UBE2R2: variants seen among roughly 807,000 people sequenced by gnomAD.
UBE2R2 encodes ubiquitin conjugating enzyme E2 R2.
Under a neutral mutation model 27.8 loss-of-function variants are expected in UBE2R2, and 1 was observed. The ratio of observed to expected loss-of-function variants is 0.04; its 90% confidence interval spans 0.01 to 0.17. UBE2R2 has a LOEUF of 0.17. Ranked by LOEUF, UBE2R2 falls within the 10% of genes least tolerant of loss-of-function variation. The pLI, the probability that UBE2R2 is intolerant of heterozygous loss-of-function variation, is 1.00. For synonymous variants in UBE2R2, 106 were observed against 113.3 expected (o/e 0.94, Z 0.41); for missense variants, 100 against 291.0 (o/e 0.34, Z 4.78).
At chr9:33,871,656 A>T (rs1161404071) in intron 1 of UBE2R2, among the ~76,000 whole-genome samples, 1 of 152,192 alleles carries the variant, frequency 6.6e-6, no homozygotes, top group East Asian at 1.9e-4. Flanking sequence ...GCCTCTCAAG[A>T]TTGTAATTAA....
rs1822673181 is a variant in UBE2R2, at chr9:33,917,339, G to A, written c.*102G>A. ...GCCCCTCAGCAAAAACCTATTCACA[G>A]CGGGTGGGGAAACACACACAGCTCC... is the stretch of plus-strand genomic sequence containing the variant. On this transcript the variant is annotated 3_prime_UTR_variant, in exon 5 of 5. Coordinates refer to ENST00000263228, the MANE Select transcript of UBE2R2 (RefSeq NM_017811.4). 2 of 1,538,126 alleles carry A rather than the reference G, an allele frequency of 1.3e-6. No individual in the cohort carries two copies. Among genetic ancestry groups the A allele is most frequent in the Admixed American group, 3.8e-5 (2 of 53,238 alleles).
chr9:33,911,432 A>AAAAC (rs1822488001), intron 3 of UBE2R2, among the ~76,000 whole-genome samples: 1 of 140,602 alleles, frequency 7.1e-6, no homozygotes, highest in African/African-American at 2.7e-5. Flanking sequence ...AAAAAAAAAA[A>AAAAC]AAACCTGGTT....
At chr9:33,827,543 A>G (rs1820341991) in intron 1 of UBE2R2, among the ~76,000 whole-genome samples, 1 of 152,170 alleles carries the variant, frequency 6.6e-6, no homozygotes, top group African/African-American at 2.4e-5. Flanking sequence ...TGGGAGGCTC[A>G]GGCAGGAGAA....
intron 1 of UBE2R2, among the ~76,000 whole-genome samples, chr9:33,869,208 G>T (rs1018603025): frequency 6.6e-6 from 1 of 152,116 alleles, no homozygotes; most frequent in Non-Finnish European, 1.5e-5. Flanking sequence ...GGTCGAGGCT[G>T]CAGTGAGCCC....
At chr9:33,848,050 T>C (rs939892336) in intron 1 of UBE2R2, among the ~76,000 whole-genome samples, 2 of 152,064 alleles carry the variant, frequency 1.3e-5, no homozygotes, top group Admixed American at 1.3e-4. Context: ...CCACTGCGCC[T>C]GGCCTGTTGA....
chr9:33,818,546 A>AAAAAC (rs1825889125), intron 1 of UBE2R2: 2 of 145,410 alleles, frequency 1.4e-5, no homozygotes, highest in South Asian at 2.3e-4. Flanking sequence ...AAAAAAAAAA[A>AAAAAC]AAAAAAGGGT....
chr9:33,856,801 C>G (rs1298700643), intron 1 of UBE2R2, among the ~76,000 whole-genome samples: 2 of 149,778 alleles, frequency 1.3e-5, no homozygotes, highest in Non-Finnish European at 3.0e-5. Flanking sequence ...CCCTTTACTT[C>G]TGTCCTTCCG....
intron 1 of UBE2R2, among the ~76,000 whole-genome samples, chr9:33,861,430 C>A (rs532311753): frequency 3.9e-5 from 6 of 152,034 alleles, no homozygotes; most frequent in African/African-American, 1.4e-4. Flanking sequence ...TACAAAAATA[C>A]AAAAGTTAGC....
At chr9:33,887,100 C>T (rs573809370) in intron 2 of UBE2R2, 133 bp downstream of exon 2, 6 of 692,984 alleles carry the variant, frequency 8.7e-6, no homozygotes, top group South Asian at 7.3e-5. Flanking sequence ...TTTTGCACTT[C>T]AGTTAACAGT....
At chr9:33,874,487 A>C (rs1194050724) in intron 1 of UBE2R2, among the ~76,000 whole-genome samples, 39 of 152,110 alleles carry the variant, frequency 2.6e-4, no homozygotes, top group Admixed American at 2.6e-3. Context: ...GTTAATGGTT[A>C]GGAATGTGTC....
rs1825799165 is a variant in UBE2R2 at position 33,817,189 on chromosome 9, G to T, written c.-569G>T. 7.2e-6 allele frequency among the ~76,000 whole-genome samples: 1 copy of T among 139,186 alleles called. No homozygotes were observed. Among genetic ancestry groups the T allele is most frequent in the South Asian group, 2.5e-4 (1 of 4,010 alleles). The allele number at this position is 139,186 out of a possible 152,430, so 91.3% of individuals were successfully genotyped here. ...CTCGGCTCCGTTGCTCCCGCGGCGC[G>T]AGGCGCTCTCGCTCTCCTCCTCCTC... On this transcript the variant is annotated 5_prime_UTR_variant, in exon 1 of 5. Transcript: ENST00000263228.
chr9:33,907,093 T>C (rs534933328), intron 3 of UBE2R2, among the ~76,000 whole-genome samples: 2 of 152,378 alleles, frequency 1.3e-5, no homozygotes, highest in East Asian at 1.9e-4. Context: ...TGTTGGCTAG[T>C]CTGCAATATA....
chr9:33,887,488 TG>T (rs1397429080), intron 2 of UBE2R2, among the ~76,000 whole-genome samples: 1 of 152,164 alleles, frequency 6.6e-6, no homozygotes, highest in African/African-American at 2.4e-5. Context: ...TGCACATGCC[TG>T]GGGGAAGCAT....
At chr9:33,879,909 G>A (rs1481549421) in intron 1 of UBE2R2, among the ~76,000 whole-genome samples, 3 of 150,360 alleles carry the variant, frequency 2.0e-5, no homozygotes, top group Non-Finnish European at 3.0e-5. Flanking sequence ...TTGAGACAAG[G>A]TCTCACTCTG....
In UBE2R2 at chr9:33,909,499, A is replaced by G. The variant is rs970458227; in HGVS notation, c.363-2465A>G. 3.3e-5 allele frequency among the ~76,000 whole-genome samples: 5 copies of G among 152,306 alleles called. 1 individual carries two copies. In the South Asian group the frequency reaches 8.3e-4, roughly 25 times the overall value. ...GAAACCCCATCTCAACAATCAATAA[A>G]TAAAAATTTAAAAGCACTGTTTTTC... On this transcript the variant is annotated intron_variant, in intron 3 of 4. Transcript: ENST00000263228.
intron 4 of UBE2R2, among the ~76,000 whole-genome samples, chr9:33,916,719 A>G (rs927611210): frequency 2.0e-5 from 3 of 152,240 alleles, no homozygotes; most frequent in Non-Finnish European, 1.5e-5. Context: ...ATTGGCCCTT[A>G]CATGAATCGG....
In UBE2R2 at chr9:33,836,697, C is replaced by T. The variant is rs138393655; in HGVS notation, c.177+18763C>T. 7.9e-3 allele frequency among the ~76,000 whole-genome samples: 1,196 copies of T among 151,720 alleles called. 13 individuals carry two copies. Among genetic ancestry groups the T allele is most frequent in the African/African-American group, 0.026 (1,094 of 41,348 alleles). On this transcript the variant is annotated intron_variant, in intron 1 of 4. Coordinates refer to ENST00000263228, the MANE Select transcript of UBE2R2 (RefSeq NM_017811.4). Reference sequence around the variant, plus strand: ...ACTTCAACCTGGGAGGCAGAGGATGCAGTGAGCCAAGATCATGCCACTGTA... The same window carrying T: ...ACTTCAACCTGGGAGGCAGAGGATGTAGTGAGCCAAGATCATGCCACTGTA...
intron 1 of UBE2R2, among the ~76,000 whole-genome samples, chr9:33,835,157 T>A (rs1042469673): frequency 1.0e-4 from 15 of 149,494 alleles, no homozygotes; most frequent in African/African-American, 3.2e-4. Flanking sequence ...TTTTTTTTTT[T>A]TTTTTTTTGA....
At chr9:33,869,121 T>C (rs1821425708) in intron 1 of UBE2R2, among the ~76,000 whole-genome samples, 1 of 151,856 alleles carries the variant, frequency 6.6e-6, no homozygotes, top group Non-Finnish European at 1.5e-5. Flanking sequence ...TGAAAAAAAC[T>C]AGTTGGGTGT....
Sources: gnomAD v4.1 joint callset for allele counts (sites outside exome capture counted in the v4.1 genomes callset) on GRCh38, gnomAD v4.1.1 for gene constraint, MANE v1.5 for transcripts, NCBI Gene and HGNC (gene_info 2026-07-23, HGNC 2026-07-21) for gene names.